GARNL3: variants seen among roughly 807,000 people sequenced by gnomAD.
GARNL3 encodes the protein GTPase-activating Rap/Ran-GAP domain-like protein 3.
A neutral mutation model predicts 125.0 loss-of-function variants in GARNL3; 63 were observed. The observed-to-expected ratio is 0.50, with a 90% CI of 0.41 to 0.62. GARNL3 has a LOEUF of 0.62. GARNL3 is among the 20% of genes least tolerant of loss of function. The pLI is 0.00. For synonymous variants in GARNL3, 439 were observed against 457.5 expected, an observed-to-expected ratio of 0.96 and a Z score of 0.52; for missense variants, 994 against 1,244.0, an observed-to-expected ratio of 0.80 and a Z score of 3.02.
chr9:127,338,058 G>A (rs967545495), intron 11 of GARNL3, 58 bp from the exon 12 acceptor site: 18 of 1,276,354 alleles, frequency 1.4e-5, no homozygotes, highest in African/African-American at 1.2e-4. Context: ...TTTTCAGAGC[G>A]CAAGCTGTCA....
At chr9:127,321,131 AAAG>A (rs1472813863) in intron 6 of GARNL3, among the ~76,000 whole-genome samples, 8 of 152,164 alleles carry the variant, frequency 5.3e-5, no homozygotes, top group Non-Finnish European at 1.2e-4. Flanking sequence ...GTGGAACATT[AAAG>A]AATTTTTTTT....
chr9:127,261,829 A>T (rs1247055891), upstream of GARNL3, among the ~76,000 whole-genome samples: 1 of 152,204 alleles, frequency 6.6e-6, no homozygotes, highest in Non-Finnish European at 1.5e-5. Flanking sequence ...CAAGTCCATG[A>T]GGCCCTTGGT....
chr9:127,274,060 C>T (rs1439380176), intron 1 of GARNL3, among the ~76,000 whole-genome samples: 5 of 152,100 alleles, frequency 3.3e-5, no homozygotes, highest in African/African-American at 9.7e-5. Flanking sequence ...GCTTTTAAAT[C>T]CTTTCTAAAA....
intron 22 of GARNL3, among the ~76,000 whole-genome samples, chr9:127,382,180 G>A (rs1200730849): frequency 6.6e-6 from 1 of 151,924 alleles, no homozygotes; most frequent in Non-Finnish European, 1.5e-5. Context: ...GGCGTCTGTA[G>A]TCCCAGCTAC....
At chr9:127,360,698 T>C (rs1830948385) in intron 21 of GARNL3, among the ~76,000 whole-genome samples, 1 of 152,212 alleles carries the variant, frequency 6.6e-6, no homozygotes, top group Non-Finnish European at 1.5e-5. Context: ...TTCATTTCCA[T>C]TCCGTCTACA....
intron 1 of GARNL3, chr9:127,224,633 GC>G (rs932890559): frequency 2.0e-5 from 3 of 153,514 alleles, no homozygotes; most frequent in African/African-American, 4.8e-5. Context: ...GCCAGGAGGT[GC>G]TGAGGCGAGG....
chr9:127,372,132 C>T (rs1310079183), intron 22 of GARNL3, among the ~76,000 whole-genome samples: 2 of 152,124 alleles, frequency 1.3e-5, no homozygotes, highest in African/African-American at 4.8e-5. Flanking sequence ...CACATTCATT[C>T]ATTCATTCAT....
chr9:127,354,233 G>T, intron 18 of GARNL3, 61 bp from the exon 19 acceptor site: 1 of 1,260,028 alleles, frequency 7.9e-7, no homozygotes, highest in Non-Finnish European at 1.2e-6. Context: ...GCCCCTGGAG[G>T]CCCTCCAGGT....
chr9:127,269,869 T>C (rs2063783910), intron 1 of GARNL3, among the ~76,000 whole-genome samples: 1 of 151,704 alleles, frequency 6.6e-6, no homozygotes, highest in Admixed American at 6.6e-5. Flanking sequence ...TTTCCAAATA[T>C]TTTCTTCCAT....
At chr9:127,244,018 C>T (rs1055718520) in intron 2 of GARNL3, among the ~76,000 whole-genome samples, 5 of 152,262 alleles carry the variant, frequency 3.3e-5, no homozygotes, top group Non-Finnish European at 5.9e-5. Context: ...GTTTACTGTA[C>T]CCAGTGCTTT....
chr9:127,226,417 A>G (rs1054833642), intron 1 of GARNL3, among the ~76,000 whole-genome samples: 2 of 152,178 alleles, frequency 1.3e-5, no homozygotes, highest in Middle Eastern at 3.2e-3. Flanking sequence ...AGCCTGGCAT[A>G]TAAGCATCGC....
At chr9:127,301,158 A>C (rs1295106212) in intron 2 of GARNL3, among the ~76,000 whole-genome samples, 1 of 152,166 alleles carries the variant, frequency 6.6e-6, no homozygotes, top group South Asian at 2.1e-4. Flanking sequence ...GATCAGTTCC[A>C]TCATTGTCAT....
At chr9:127,275,017 GA>G (rs2063917566) in intron 1 of GARNL3, among the ~76,000 whole-genome samples, 1 of 152,154 alleles carries the variant, frequency 6.6e-6, no homozygotes, top group Admixed American at 6.5e-5. Flanking sequence ...TCAACTTTCA[GA>G]TAAGCAAGAC....
intron 6 of GARNL3, among the ~76,000 whole-genome samples, 197 bp downstream of exon 6, chr9:127,320,975 T>C (rs2065380858): frequency 6.6e-6 from 1 of 152,174 alleles, no homozygotes; most frequent in Non-Finnish European, 1.5e-5. Flanking sequence ...TATCTGAGTT[T>C]TTCAGAAGTT....
chr9:127,379,991 C>T (rs2131802654), intron 22 of GARNL3, among the ~76,000 whole-genome samples: 1 of 152,222 alleles, frequency 6.6e-6, no homozygotes, highest in Admixed American at 6.5e-5. Flanking sequence ...ACCAGCCTGG[C>T]CAACATGGTG....
chr9:127,393,211 A>G lies in GARNL3; in HGVS notation c.2999A>G (p.Gln1000Arg). 6.2e-7 allele frequency: 1 copy of G among 1,613,604 alleles called. No homozygotes were observed. Among genetic ancestry groups the G allele is most frequent in the African/African-American group, 1.3e-5 (1 of 75,064 alleles). Residue 1000 changes from glutamine (Q) to arginine (R), a missense_variant, in exon 28 of 28, where the codon CAG becomes CGG. By Grantham distance (43) the Gln-to-Arg change is conservative. Coordinates refer to ENST00000373387, the MANE Select transcript of GARNL3 (RefSeq NM_032293.5). Reference sequence around the variant, plus strand: ...CCGGTCTCCGGCAGCAGCCCCTTCCAGCTCACGGCTTTCTCCGATGAAGAC... The same window carrying G: ...CCGGTCTCCGGCAGCAGCCCCTTCCGGCTCACGGCTTTCTCCGATGAAGAC... ...GSPVSGSSPF[Q>R]LTAFSDEDII... is the part of the protein sequence containing the mutation.
chr9:127,265,518 A>G (rs1465120435), intron 1 of GARNL3, among the ~76,000 whole-genome samples: 1 of 152,184 alleles, frequency 6.6e-6, no homozygotes, highest in Non-Finnish European at 1.5e-5. Context: ...TGGATGATCA[A>G]TATTTGGAAT....
intron 1 of GARNL3, among the ~76,000 whole-genome samples, chr9:127,228,415 C>A (rs2062949302): frequency 6.6e-6 from 1 of 152,140 alleles, no homozygotes; most frequent in South Asian, 2.1e-4. Context: ...ATTTATAGTC[C>A]CCCAAGGGCA....
At chr9:127,314,414 T>G (rs1050613006) in intron 4 of GARNL3, among the ~76,000 whole-genome samples, 6 of 152,214 alleles carry the variant, frequency 3.9e-5, no homozygotes, top group Non-Finnish European at 8.8e-5. Flanking sequence ...CCTCCAGGTC[T>G]TCCCTTGACA....
Sources: gnomAD v4.1 joint callset for allele counts (sites outside exome capture counted in the v4.1 genomes callset) on GRCh38, gnomAD v4.1.1 for gene constraint, MANE v1.5 for transcripts, NCBI Gene and HGNC (gene_info 2026-07-23, HGNC 2026-07-21) for gene names.